PIAS2: variants seen among roughly 807,000 people sequenced by gnomAD.
PIAS2 encodes the protein protein inhibitor of activated STAT 2, also known as E3 SUMO-protein ligase PIAS2.
In PIAS2, 19 loss-of-function variants were observed where a neutral mutation model predicts 69.7. The ratio of observed to expected loss-of-function variants is 0.27; its 90% confidence interval spans 0.19 to 0.40. The LOEUF (loss-of-function observed/expected upper bound fraction) is 0.40, where lower values mean the gene tolerates loss of function less well. PIAS2 is among the 10% of genes least tolerant of loss of function. The probability of loss-of-function intolerance (pLI) is 1.00; values close to 1 mark genes in which losing one functional copy is unlikely to be tolerated. For missense variants in PIAS2, 624 were observed against 757.0 expected, an observed-to-expected ratio of 0.82 and a Z score of 2.06; for synonymous variants, 261 against 263.2, an observed-to-expected ratio of 0.99 and a Z score of 0.08.
chr18:46,880,335 G>A (rs1212286058), intron 2 of PIAS2, among the ~76,000 whole-genome samples: 2 of 152,128 alleles, frequency 1.3e-5, no homozygotes, highest in Non-Finnish European at 2.9e-5. Context: ...AGTGAGCTGT[G>A]ATCTCACAAC....
rs1201966544 is a variant in PIAS2 at position 46,810,492 on chromosome 18, C to CA, written c.*1940dup. The CA allele has an allele frequency of 6.6e-6, 1 of 151,950 alleles. No homozygotes were observed. The allele number at this position is 151,950 out of a possible 1,614,324, so 9.4% of individuals were successfully genotyped here. On this transcript the variant is annotated 3_prime_UTR_variant, in exon 14 of 14. Coordinates refer to ENST00000585916, the MANE Select transcript of PIAS2 (RefSeq NM_004671.5). ...TTAGAAAGAAATACTATATCTGGAC[C>CA]AAAAAACTGCAACATGGTTTGGAAA...
Position 46,906,460 on chromosome 18 carries a change from T to C in PIAS2, c.24+10862A>G, listed in dbSNP as rs533720621. 5.3e-5 allele frequency: 8 copies of C among 152,136 alleles called. No individual in the cohort carries two copies. The East Asian group carries it at 1.5e-3, about 29-fold the overall frequency. The allele number at this position is 152,136 out of a possible 1,614,324, so 9.4% of individuals were successfully genotyped here. A position where few individuals can be genotyped will look rare whatever the true frequency, so the allele number is the denominator to read the frequency against. ...AAATCTAAAGATAATTAATCACAATTAGGAGTATAGCAAGGTTATTATACA... is the reference window on the plus strand; with the variant it reads ...AAATCTAAAGATAATTAATCACAATCAGGAGTATAGCAAGGTTATTATACA... On this transcript the variant is annotated intron_variant, in intron 1 of 13. Transcript: ENST00000585916.
At chr18:46,886,803 C>T (rs1301605872) in intron 2 of PIAS2, among the ~76,000 whole-genome samples, 1 of 151,978 alleles carries the variant, frequency 6.6e-6, no homozygotes, top group East Asian at 1.9e-4. Flanking sequence ...GCGCCACCGC[C>T]CTCCATCCTG....
At chr18:46,913,689 C>CCA (rs1290002741) in intron 1 of PIAS2, among the ~76,000 whole-genome samples, 5 of 152,052 alleles carry the variant, frequency 3.3e-5, no homozygotes, top group African/African-American at 1.2e-4. Context: ...CACCAGCAGA[C>CCA]CACAATATTG....
At chr18:46,865,649 A>G (rs1282140578) in intron 2 of PIAS2, among the ~76,000 whole-genome samples, 1 of 152,188 alleles carries the variant, frequency 6.6e-6, no homozygotes, top group East Asian at 1.9e-4. Flanking sequence ...AAGTCACATC[A>G]AGTCAGAAAA....
intron 1 of PIAS2, among the ~76,000 whole-genome samples, chr18:46,908,971 T>C (rs1029831466): frequency 6.6e-6 from 1 of 152,094 alleles, no homozygotes; most frequent in African/African-American, 2.4e-5. Context: ...ATCACGCCAC[T>C]GCACTCCAGC....
At position 46,844,820 on chromosome 18, in the gene PIAS2, T is replaced by C. The variant is rs765295036; in HGVS notation, c.881A>G (p.Tyr294Cys). The C allele has an allele frequency of 2.8e-6, 4 of 1,443,446 alleles. No individual in the cohort carries two copies. Among genetic ancestry groups the C allele is most frequent in the African/African-American group, 1.5e-5 (1 of 67,400 alleles). 89.4% of individuals were successfully genotyped at this position (1,443,446 alleles called of 1,614,324 possible). A position where few individuals can be genotyped will look rare whatever the true frequency, so the allele number is the denominator to read the frequency against. ...GGCTGATGTAAGCTGCCGTACAAGATATACAGACATAGAGTAATTCTACAA... is the reference window on the plus strand; with the variant it reads ...GGCTGATGTAAGCTGCCGTACAAGACATACAGACATAGAGTAATTCTACAA... ...EIGKNYSMSV[Y>C]LVRQLTSAML... Residue 294 changes from tyrosine (Y) to cysteine (C), a missense_variant, in exon 7 of 14, where the codon TAT (tyrosine) becomes TGT (cysteine). Transcript: ENST00000585916.
chr18:46,895,618 C>T (rs1328097640), intron 1 of PIAS2, among the ~76,000 whole-genome samples: 5 of 152,068 alleles, frequency 3.3e-5, no homozygotes, highest in Admixed American at 6.5e-5. Context: ...TTGCGGTGAG[C>T]GGAGATCACA....
At chr18:46,891,254 T>G in intron 1 of PIAS2, 200 bp from the exon 2 acceptor site, 1 of 678,568 alleles carries the variant, frequency 1.5e-6, no homozygotes, top group Non-Finnish European at 2.7e-6. Context: ...CGGTGTTAAT[T>G]ATATTTTGTT....
At chr18:46,831,850 T>G (rs1159342245) in intron 9 of PIAS2, among the ~76,000 whole-genome samples, 2 of 152,248 alleles carry the variant, frequency 1.3e-5, no homozygotes, top group Admixed American at 1.3e-4. Context: ...ATTATAAAAC[T>G]TCTACAGGAA....
intron 1 of PIAS2, among the ~76,000 whole-genome samples, chr18:46,915,947 T>C (rs1445626880): frequency 1.3e-5 from 2 of 152,156 alleles, no homozygotes; most frequent in Non-Finnish European, 2.9e-5. Context: ...TCAGGGTTCG[T>C]TGTTTGAAAA....
intron 2 of PIAS2, among the ~76,000 whole-genome samples, chr18:46,878,667 G>A (rs947545733): frequency 1.3e-5 from 2 of 152,142 alleles, no homozygotes; most frequent in Non-Finnish European, 2.9e-5. Flanking sequence ...TCAGGAGTTC[G>A]AGACCAGCCT....
intron 1 of PIAS2, among the ~76,000 whole-genome samples, chr18:46,898,060 G>A (rs1185137715): frequency 2.0e-5 from 3 of 151,752 alleles, no homozygotes; most frequent in Admixed American, 2.0e-4. Context: ...TCCCTGTGTT[G>A]TCCGGGTTGG....
Position 46,808,608 on chromosome 18 carries a change from C to G in PIAS2, c.*3825G>C, listed in dbSNP as rs909667946. ...AATCAGGCTGAATCAATCTAAATAA[C>G]AACTTAAGGCTCCCAAATCACATGA... is the stretch of plus-strand genomic sequence containing the variant. On this transcript the variant is annotated 3_prime_UTR_variant, in exon 14 of 14. Coordinates refer to ENST00000585916, the MANE Select transcript of PIAS2 (RefSeq NM_004671.5). 6.6e-6 allele frequency: 1 copy of G among 152,108 alleles called. No homozygotes were observed. Among genetic ancestry groups the G allele is most frequent in the African/African-American group, 2.4e-5 (1 of 41,422 alleles). The allele number at this position is 152,108 out of a possible 1,614,324, so 9.4% of individuals were successfully genotyped here. A position where few individuals can be genotyped will look rare whatever the true frequency, so the allele number is the denominator to read the frequency against.
chr18:46,862,055 G>C (rs945583095), intron 3 of PIAS2, among the ~76,000 whole-genome samples: 3 of 152,000 alleles, frequency 2.0e-5, no homozygotes, highest in Non-Finnish European at 2.9e-5. Flanking sequence ...TTTTATGCCG[G>C]GCATGGTGGC....
At chr18:46,890,060 C>T (rs192032332) in intron 2 of PIAS2, among the ~76,000 whole-genome samples, 14 of 152,264 alleles carry the variant, frequency 9.2e-5, no homozygotes, top group Non-Finnish European at 2.1e-4. Context: ...ACCTTGAGGA[C>T]ATTACATTTA....
rs117151539 is a variant in PIAS2, at chr18:46,812,480, T to C, written c.1819A>G (p.Ile607Val). The change falls in exon 14 of 14, where the codon ATA becomes GTA. Residue 607 changes from isoleucine to valine, a missense_variant. Physicochemically the swap from Ile to Val is conservative, Grantham distance 29. Coordinates refer to ENST00000585916, the MANE Select transcript of PIAS2 (RefSeq NM_004671.5). Reference sequence around the variant, plus strand: ...GGAATGTTACTTCCACTGCTGGTTATGACCCCTGTCTCACTCCTGCTGCTG... The same window carrying C: ...GGAATGTTACTTCCACTGCTGGTTACGACCCCTGTCTCACTCCTGCTGCTG... ...SSSSRSETGVITSSGSNIPDI... is the reference protein window; with the variant it reads ...SSSSRSETGVVTSSGSNIPDI... The C allele has an allele frequency of 1.0e-2, 16,107 of 1,612,962 alleles. 99 individuals are homozygous for C. The highest frequency in any genetic ancestry group is 0.012 in the Non-Finnish European group (14,570 of 1,179,034).
chr18:46,812,419 A>C lies in PIAS2; in HGVS notation c.*14T>G. The stretch of plus-strand genomic sequence containing the variant: ...GTTCTGATGAATGATTCCCAGAATC[A>C]AGTGAGTCCTCCTTTAGTCCAATGA... On this transcript the variant is annotated 3_prime_UTR_variant, in exon 14 of 14. Coordinates refer to ENST00000585916, the MANE Select transcript of PIAS2 (RefSeq NM_004671.5). 1 of 1,560,372 alleles carries C rather than the reference A, an allele frequency of 6.4e-7. No homozygotes were observed. Among genetic ancestry groups the C allele is most frequent in the Non-Finnish European group, 8.8e-7 (1 of 1,136,744 alleles).
chr18:46,907,815 C>T lies in PIAS2; in HGVS notation c.24+9507G>A, dbSNP rs550431626. ...GGGCCAACTTCAGGACTTGAGTACA[C>T]ATGATTTTCCTGTTGGGAGGGTGGA... On this transcript the variant is annotated intron_variant, in intron 1 of 13. Coordinates refer to ENST00000585916, the MANE Select transcript of PIAS2 (RefSeq NM_004671.5). 9 of 152,282 alleles carry T rather than the reference C, an allele frequency of 5.9e-5. No individual in the cohort carries two copies. The East Asian group carries it at 1.4e-3, about 23-fold the overall frequency. 9.4% of individuals were successfully genotyped at this position (152,282 alleles called of 1,614,324 possible).
Sources: gnomAD v4.1 joint callset for allele counts (sites outside exome capture counted in the v4.1 genomes callset) on GRCh38, gnomAD v4.1.1 for gene constraint, MANE v1.5 for transcripts, NCBI Gene and HGNC (gene_info 2026-07-23, HGNC 2026-07-21) for gene names.